The following PARD3 variants were observed in gnomAD, a reference collection of about 807,000 sequenced individuals.
PARD3 encodes partitioning defective 3 homolog.
Under a neutral mutation model 155.4 loss-of-function variants are expected in PARD3, and 75 were observed. That is an observed-to-expected ratio of 0.48 (90% CI 0.40 to 0.58). The LOEUF (loss-of-function observed/expected upper bound fraction) is 0.58, where lower values mean the gene tolerates loss of function less well. Among genes scored for constraint, PARD3 ranks in the 20% least tolerant of loss-of-function variants. PARD3 has a pLI of 0.00. For synonymous variants in PARD3, 576 were observed against 610.5 expected (o/e 0.94, Z 0.83); for missense variants, 1,642 against 1,721.7 (o/e 0.95, Z 0.82).
intron 22 of PARD3, among the ~76,000 whole-genome samples, chr10:34,186,697 T>C (rs956967786): frequency 7.2e-5 from 11 of 152,082 alleles, no homozygotes; most frequent in Non-Finnish European, 1.5e-5. Flanking sequence ...TAAGATGCCA[T>C]CCTGTGACCC....
intron 14 of PARD3, among the ~76,000 whole-genome samples, chr10:34,356,427 G>A (rs1457219474): frequency 6.6e-6 from 1 of 152,116 alleles, no homozygotes; most frequent in Non-Finnish European, 1.5e-5. Context: ...CCATGTATAA[G>A]AGAAAGAAAA....
chr10:34,331,262 C>G lies in PARD3; in HGVS notation c.2688G>C (p.Glu896Asp). 3 of 1,614,018 alleles carry G rather than the reference C, an allele frequency of 1.9e-6. No individual in the cohort carries two copies. The highest frequency in any genetic ancestry group is 2.5e-6 in the Non-Finnish European group (3 of 1,179,970). ...SLESLQTAVA[E>D]VTLNGDIPFH... ...AAGGAATATCCCCATTCAAAGTCAC[C>G]TCGGCAACTGCGGTCTGCAGACTCT... The change falls in exon 19 of 25, where the codon GAG becomes GAC. Residue 896 changes from glutamate (E) to aspartate (D), a missense_variant. Physicochemically the swap from Glu to Asp is conservative, Grantham distance 45. Transcript: ENST00000374788.
intron 15 of PARD3, among the ~76,000 whole-genome samples, chr10:34,343,029 C>A (rs937072164): frequency 8.5e-5 from 13 of 152,154 alleles, no homozygotes; most frequent in African/African-American, 3.1e-4. Flanking sequence ...TCATTTATTT[C>A]TAATACAGTA....
intron 19 of PARD3, among the ~76,000 whole-genome samples, chr10:34,324,505 G>A (rs1432787217): frequency 1.3e-5 from 2 of 152,166 alleles, no homozygotes; most frequent in Non-Finnish European, 2.9e-5. Context: ...GCACAGGCAA[G>A]GGTAAGCACG....
At chr10:34,489,146 T>C (rs2079696137) in intron 3 of PARD3, among the ~76,000 whole-genome samples, 1 of 152,176 alleles carries the variant, frequency 6.6e-6, no homozygotes, top group Non-Finnish European at 1.5e-5. Context: ...TAGACCAGCC[T>C]GGCCAAGATG....
intron 3 of PARD3, among the ~76,000 whole-genome samples, chr10:34,509,887 T>C (rs1352958985): frequency 6.6e-6 from 1 of 152,212 alleles, no homozygotes; most frequent in Non-Finnish European, 1.5e-5. Flanking sequence ...CACAGTTTAA[T>C]ACAGCAGCCA....
chr10:34,386,865 A>T (rs1842404199), intron 7 of PARD3, among the ~76,000 whole-genome samples: 1 of 152,210 alleles, frequency 6.6e-6, no homozygotes, highest in Admixed American at 6.5e-5. Context: ...GATTCCGATG[A>T]ATGAGGAAGA....
chr10:34,243,130 T>C (rs936392213), intron 22 of PARD3, among the ~76,000 whole-genome samples: 2 of 152,218 alleles, frequency 1.3e-5, no homozygotes, highest in Non-Finnish European at 1.5e-5. Context: ...CAATTTTATA[T>C]TGGGAATCTA....
intron 2 of PARD3, among the ~76,000 whole-genome samples, chr10:34,637,978 A>T (rs2092542692): frequency 6.6e-6 from 1 of 152,238 alleles, no homozygotes; most frequent in South Asian, 2.1e-4. Flanking sequence ...GCAAGTGTAC[A>T]CATAAACAAG....
intron 21 of PARD3, among the ~76,000 whole-genome samples, chr10:34,277,608 T>C (rs767219142): frequency 1.3e-5 from 2 of 152,176 alleles, no homozygotes; most frequent in African/African-American, 4.8e-5. Context: ...TAAAGGTACA[T>C]TTCCAATTCC....
chr10:34,650,557 G>A (rs1564461021), intron 2 of PARD3, among the ~76,000 whole-genome samples: 1 of 152,122 alleles, frequency 6.6e-6, no homozygotes, highest in Non-Finnish European at 1.5e-5. Flanking sequence ...TTTTTTTTAA[G>A]TTGCTTCAAT....
At chr10:34,355,276 G>A (rs992447564) in intron 14 of PARD3, among the ~76,000 whole-genome samples, 1 of 152,050 alleles carries the variant, frequency 6.6e-6, no homozygotes, top group African/African-American at 2.4e-5. Flanking sequence ...ACAGTGAGCC[G>A]GGGACTATAC....
chr10:34,768,403 A>T (rs1445517431), intron 1 of PARD3, among the ~76,000 whole-genome samples: 1 of 151,702 alleles, frequency 6.6e-6, no homozygotes, highest in Non-Finnish European at 1.5e-5. Context: ...GGACAACTCG[A>T]AGCAAAGGCG....
intron 7 of PARD3, among the ~76,000 whole-genome samples, chr10:34,394,773 G>T (rs2132122454): frequency 6.6e-6 from 1 of 152,114 alleles, no homozygotes; most frequent in South Asian, 2.1e-4. Context: ...CCACCATCCA[G>T]GCCAGGATGT....
At chr10:34,375,435 A>G (rs1478679465) in intron 10 of PARD3, among the ~76,000 whole-genome samples, 1 of 152,182 alleles carries the variant, frequency 6.6e-6, no homozygotes, top group Non-Finnish European at 1.5e-5. Flanking sequence ...CACACCAAAA[A>G]TATTTTGGTA....
chr10:34,625,101 A>T (rs188343006), intron 2 of PARD3, among the ~76,000 whole-genome samples: 2 of 152,362 alleles, frequency 1.3e-5, no homozygotes, highest in Admixed American at 1.3e-4. Context: ...AACCATGTTA[A>T]CAGTCCCCAA....
At chr10:34,636,611 G>A (rs1010319353) in intron 2 of PARD3, among the ~76,000 whole-genome samples, 6 of 152,218 alleles carry the variant, frequency 3.9e-5, no homozygotes, top group Non-Finnish European at 7.3e-5. Context: ...TGATGCTTAC[G>A]ATGGTGTGCT....
intron 2 of PARD3, among the ~76,000 whole-genome samples, chr10:34,585,980 T>C (rs147747583): frequency 6.6e-6 from 1 of 152,284 alleles, no homozygotes; most frequent in East Asian, 1.9e-4. Flanking sequence ...ATGCAGGTTA[T>C]TCCAGACCTG....
At chr10:34,693,046 T>C (rs1444352824) in intron 2 of PARD3, among the ~76,000 whole-genome samples, 1 of 151,980 alleles carries the variant, frequency 6.6e-6, no homozygotes, top group Non-Finnish European at 1.5e-5. Flanking sequence ...AATAAAACAA[T>C]ACATCCGTGT....
Sources: allele counts gnomAD v4.1 joint callset (sites outside exome capture counted in the v4.1 genomes callset), GRCh38; gene constraint gnomAD v4.1.1; transcripts MANE v1.5; gene names NCBI Gene and HGNC (gene_info 2026-07-23, HGNC 2026-07-21).